NUTM1: variants seen among roughly 807,000 people sequenced by gnomAD.
NUTM1 encodes NUT midline carcinoma family member 1.
NUTM1 carries 39 observed loss-of-function variants against 88.7 expected under a neutral mutation model. The observed-to-expected ratio is 0.44, with a 90% CI of 0.34 to 0.57. The LOEUF (loss-of-function observed/expected upper bound fraction) is 0.57, where lower values mean the gene tolerates loss of function less well. Among genes scored for constraint, NUTM1 ranks in the 20% least tolerant of loss-of-function variants. The pLI is 0.01. For synonymous variants in NUTM1, 494 were observed against 538.0 expected (o/e 0.92, Z 1.13); for missense variants, 1,350 against 1,414.5 (o/e 0.95, Z 0.73).
rs2140150896 is a variant in NUTM1, at chr15:34,345,952, G to A, written c.17G>A (p.Gly6Asp). ...ACCTACTGGAGCCAGGTTACTCTGG[G>A]TCCTGGACCTGACTGCCTCATTCTG... is the stretch of plus-strand genomic sequence containing the variant. MVVTL[G>D]PGPDCLILEA... Residue 6 changes from glycine to aspartate, a missense_variant, in exon 2 of 8, where the codon GGT (glycine) becomes GAT (aspartate). Gly to Asp is a moderately conservative substitution (Grantham distance 94, BLOSUM62 -1). Around this residue, in one of 5 missense-constraint regions of NUTM1, gnomAD observed 399 missense variants for 397.9 expected, o/e 1.00. Coordinates refer to ENST00000537011, the MANE Select transcript of NUTM1 (RefSeq NM_001284292.2). 5 of 1,613,912 alleles carry A rather than the reference G, an allele frequency of 3.1e-6. No homozygotes were observed. The highest frequency in any genetic ancestry group is 1.3e-5 in the African/African-American group (1 of 75,038).
intron 1 of NUTM1, among the ~76,000 whole-genome samples, chr15:34,344,283 C>CGG (rs1890542392): frequency 6.6e-6 from 1 of 150,420 alleles, no homozygotes; most frequent in East Asian, 2.0e-4. Context: ...GAGGCTGAGA[C>CGG]GGGTGGATCA....
Position 34,356,483 on chromosome 15 carries a change from A to T in NUTM1, c.2475A>T (p.Leu825=). 1 of 1,613,880 alleles carries T rather than the reference A, an allele frequency of 6.2e-7. No homozygotes were observed. Among genetic ancestry groups the T allele is most frequent in the Non-Finnish European group, 8.5e-7 (1 of 1,179,874 alleles). ...PCGGTVAAAA[L]EKRNYCSLPG... ...GAGGCACAGTTGCGGCAGCTGCCCT[A>T]GAAAAGAGAAACTATTGCAGCTTGC... is the stretch of plus-strand genomic sequence containing the variant. The change falls in exon 8 of 8, where the codon CTA becomes CTT. Residue 825 remains leucine (L), a synonymous_variant. Transcript: ENST00000537011.
chr15:34,352,408 A>C (rs1156542245), intron 4 of NUTM1, among the ~76,000 whole-genome samples: 2 of 152,052 alleles, frequency 1.3e-5, no homozygotes, highest in Non-Finnish European at 2.9e-5. Flanking sequence ...TCCCACTGTG[A>C]GATCCCACCA....
rs1890521201 is a variant in NUTM1, at chr15:34,343,348, G to A, written c.-349G>A. 2 of 612,748 alleles carry A rather than the reference G, an allele frequency of 3.3e-6. No individual in the cohort carries two copies. Among genetic ancestry groups the A allele is most frequent in the African/African-American group, 1.8e-5 (1 of 54,338 alleles). The allele number at this position is 612,748 out of a possible 1,614,324, so 38.0% of individuals were successfully genotyped here. ...TGCTAGGTACACGGCGTTAGAGGGGGGTAGGGATGGATGTGGATAGAATAT... is the reference window on the plus strand; with the variant it reads ...TGCTAGGTACACGGCGTTAGAGGGGAGTAGGGATGGATGTGGATAGAATAT... On this transcript the variant is annotated 5_prime_UTR_variant, in exon 1 of 8. Transcript: ENST00000537011.
intron 4 of NUTM1, 53 bp from the exon 5 acceptor site, chr15:34,353,683 G>C: frequency 2.5e-6 from 4 of 1,599,178 alleles, no homozygotes; most frequent in Non-Finnish European, 3.4e-6. Context: ...CTGGATTTCT[G>C]ATGGGTCTGG....
chr15:34,357,133 A>T lies in NUTM1; in HGVS notation c.3125A>T (p.Asp1042Val). Residue 1042 changes from aspartate (D) to valine (V), a missense_variant, in exon 8 of 8, where the codon GAT (aspartate) becomes GTT (valine). Physicochemically the swap from Asp to Val is radical, Grantham distance 152 (BLOSUM62 -3). This residue lies in a region of NUTM1 where 730 missense variants were observed against 728.8 expected (regional missense o/e 1.00). Coordinates refer to ENST00000537011, the MANE Select transcript of NUTM1 (RefSeq NM_001284292.2). The part of the protein sequence containing the change: ...EKKKKEAEEE[D>V]EELSNFAYLL... ...AAGAAAAAGGAAGCAGAGGAAGAGG[A>T]TGAGGAACTCTCCAACTTTGCTTAC... The T allele has an allele frequency of 6.2e-7, 1 of 1,614,182 alleles. No individual in the cohort carries two copies.
chr15:34,346,072 T>G, intron 2 of NUTM1, 37 bp downstream of exon 2: 1 of 1,600,310 alleles, frequency 6.2e-7, no homozygotes, highest in Non-Finnish European at 8.6e-7. Flanking sequence ...TTCTGGTACC[T>G]GCTCATATCC....
chr15:34,350,281 A>G (rs1199960857), intron 3 of NUTM1, among the ~76,000 whole-genome samples: 1 of 152,220 alleles, frequency 6.6e-6, no homozygotes, highest in Non-Finnish European at 1.5e-5. Context: ...CTTTAATTAG[A>G]GATTCCTTTG....
chr15:34,356,041 G>A lies in NUTM1; in HGVS notation c.2033G>A (p.Gly678Glu), dbSNP rs2140160799. Residue 678 changes from glycine (G) to glutamate (E), a missense_variant, in exon 8 of 8, where the codon GGG becomes GAG. Physicochemically the swap from Gly to Glu is moderately conservative, Grantham distance 98 (BLOSUM62 -2). Coordinates refer to ENST00000537011, the MANE Select transcript of NUTM1 (RefSeq NM_001284292.2). ...GAGCTGGCTCCTCTGCAAGGACAAG[G>A]GTTAGAAAAGCAAGTCCTGGGATTG... ...LAELAPLQGQ[G>E]LEKQVLGLQK... The A allele has an allele frequency of 1.9e-6, 3 of 1,614,142 alleles. No individual in the cohort carries two copies. The highest frequency in any genetic ancestry group is 2.5e-6 in the Non-Finnish European group (3 of 1,180,010).
At chr15:34,351,653 C>T (rs1339518054) in intron 4 of NUTM1, among the ~76,000 whole-genome samples, 7 of 152,104 alleles carry the variant, frequency 4.6e-5, no homozygotes, top group South Asian at 2.1e-4. Context: ...GTGTGCTCTA[C>T]CAGGCAGGTT....
At position 34,348,047 on chromosome 15, in the gene NUTM1, C is replaced by A. The variant is rs199651156; in HGVS notation, c.179C>A (p.Pro60Gln). The change falls in exon 3 of 8, where the codon CCA (proline) becomes CAA (glutamine). Residue 60 changes from proline to glutamine, a missense_variant. Around this residue, in one of 5 missense-constraint regions of NUTM1, gnomAD observed 399 missense variants for 397.9 expected, o/e 1.00. Transcript: ENST00000537011. ...PSPSPALPFLPPTSDPPDHPP... is the reference protein window; with the variant it reads ...PSPSPALPFLQPTSDPPDHPP... ...CCATCCCCTGCACTTCCCTTTCTCC[C>A]ACCAACTTCTGACCCACCAGACCAC... 3.1e-6 allele frequency: 5 copies of A among 1,614,082 alleles called. No individual in the cohort carries two copies. The African/African-American group carries it at 4.0e-5, about 13-fold the overall frequency.
Sources: allele counts gnomAD v4.1 joint callset (sites outside exome capture counted in the v4.1 genomes callset), GRCh38; gene constraint gnomAD v4.1.1; regional missense constraint gnomAD v4.1.1; transcripts MANE v1.5; gene names NCBI Gene and HGNC (gene_info 2026-07-23, HGNC 2026-07-21).